NOP14: variants seen among roughly 807,000 people sequenced by gnomAD.
NOP14 encodes the protein NOP14 nucleolar protein, also known as nucleolar protein 14.
Under a neutral mutation model 101.6 loss-of-function variants are expected in NOP14, and 57 were observed. The ratio of observed to expected loss-of-function variants is 0.56; its 90% confidence interval spans 0.45 to 0.70. The LOEUF (loss-of-function observed/expected upper bound fraction) is 0.70. Among genes scored for constraint, NOP14 ranks in the 30% least tolerant of loss-of-function variants. The pLI, the probability that NOP14 is intolerant of heterozygous loss-of-function variation, is 0.00. For synonymous variants in NOP14, 428 were observed against 424.0 expected (o/e 1.01, Z -0.12); for missense variants, 1,134 against 1,075.5 (o/e 1.05, Z -0.76).
chr4:2,938,515 ATTT>A lies in NOP14; in HGVS notation c.*313_*315del. On this transcript the variant is annotated 3_prime_UTR_variant, in exon 18 of 18. Coordinates refer to ENST00000416614, the MANE Select transcript of NOP14 (RefSeq NM_001291978.2). The stretch of plus-strand genomic sequence containing the variant: ...GCAAAACTCCGTCTCAAAAAAAAAA[ATTT>A]TTTTTTAAGCGACACAGTCTTGCAC... 1 of 355,614 alleles carries A rather than the reference ATTT, an allele frequency of 2.8e-6. No individual in the cohort carries two copies. The highest frequency in any genetic ancestry group is 5.3e-6 in the Non-Finnish European group (1 of 187,858). The allele number at this position is 355,614 out of a possible 1,614,324, so 22.0% of individuals were successfully genotyped here.
chr4:2,957,535 C>T, intron 2 of NOP14, 71 bp downstream of exon 2: 2 of 1,565,478 alleles, frequency 1.3e-6, no homozygotes, highest in Non-Finnish European at 1.7e-6. Context: ...CATGCAGAGT[C>T]AGCCTTCTCC....
chr4:2,956,936 T>A, intron 2 of NOP14, 125 bp from the exon 3 acceptor site: 2 of 834,154 alleles, frequency 2.4e-6, no homozygotes, highest in Non-Finnish European at 3.6e-6. Context: ...TAAGCAGCCT[T>A]AAAGAGTATT....
Position 2,956,828 on chromosome 4 carries a change from A to C in NOP14, c.331-17T>G, listed in dbSNP as rs895568937. ...ATGATGTCGCTGACAGAAGAGAAAAAAAGTTTCCTAAAATTACCACTTCCA... is the reference window on the plus strand; with the variant it reads ...ATGATGTCGCTGACAGAAGAGAAAACAAGTTTCCTAAAATTACCACTTCCA... On this transcript the variant is annotated splice_polypyrimidine_tract_variant and intron_variant, in intron 2 of 17. Coordinates refer to ENST00000416614, the MANE Select transcript of NOP14 (RefSeq NM_001291978.2). 64 of 1,570,888 alleles carry C rather than the reference A, an allele frequency of 4.1e-5. No homozygotes were observed. The highest frequency in any genetic ancestry group is 5.5e-5 in the Non-Finnish European group (64 of 1,166,880).
intron 8 of NOP14, among the ~76,000 whole-genome samples, chr4:2,948,918 C>T (rs1240858779): frequency 6.6e-6 from 1 of 152,266 alleles, no homozygotes; most frequent in Non-Finnish European, 1.5e-5. Flanking sequence ...TGCGATCACG[C>T]ACCTGGGAAC....
chr4:2,941,458 G>C, intron 15 of NOP14, 124 bp downstream of exon 15: 1 of 855,288 alleles, frequency 1.2e-6, no homozygotes, highest in Non-Finnish European at 1.8e-6. Context: ...TCATATTTGT[G>C]ATTTTGCAAA....
At chr4:2,952,238 G>A (rs778497443) in intron 6 of NOP14, 37 bp downstream of exon 6, 4 of 1,605,972 alleles carry the variant, frequency 2.5e-6, no homozygotes, top group Non-Finnish European at 3.4e-6. Flanking sequence ...TGGACGGACA[G>A]CAGCACAGCC....
At chr4:2,951,916 G>T (rs967222999) in intron 6 of NOP14, among the ~76,000 whole-genome samples, 7 of 152,138 alleles carry the variant, frequency 4.6e-5, no homozygotes, top group Admixed American at 1.3e-4. Context: ...AAGACCGCCT[G>T]GCCAACATGG....
intron 1 of NOP14, 104 bp downstream of exon 1, chr4:2,963,021 T>G (rs1046364586): frequency 2.5e-6 from 3 of 1,204,574 alleles, no homozygotes; most frequent in Non-Finnish European, 2.2e-6. Flanking sequence ...TCACGGCCTG[T>G]GCCGCTCAAC....
intron 9 of NOP14, 38 bp from the exon 10 acceptor site, chr4:2,947,649 C>T (rs375079496): frequency 7.8e-6 from 12 of 1,532,042 alleles, no homozygotes; most frequent in Middle Eastern, 1.7e-4. Flanking sequence ...GCTCAGTGCT[C>T]AGCACCAAGA....
chr4:2,956,925 C>T, intron 2 of NOP14, 114 bp from the exon 3 acceptor site: 1 of 919,246 alleles, frequency 1.1e-6, no homozygotes, highest in Admixed American at 3.0e-5. Context: ...ACAACGAATC[C>T]TAAGCAGCCT....
chr4:2,941,626 G>A lies in NOP14; in HGVS notation c.2155C>T (p.Leu719Phe). The change falls in exon 15 of 18, where the codon CTC becomes TTC. Residue 719 changes from leucine to phenylalanine, a missense_variant. Coordinates refer to ENST00000416614, the MANE Select transcript of NOP14 (RefSeq NM_001291978.2). Reference protein sequence around the residue: ...HAIMGPLQALLTDHLADCSHP... With the variant: ...HAIMGPLQALFTDHLADCSHP... ...CTGCAGTCCGCCAGGTGATCCGTGA[G>A]GAGGGCTTGGAGAGGCCCCATGATG... The A allele has an allele frequency of 1.2e-6, 2 of 1,613,348 alleles. No individual in the cohort carries two copies. Among genetic ancestry groups the A allele is most frequent in the Admixed American group, 3.3e-5 (2 of 59,986 alleles).
intron 1 of NOP14, among the ~76,000 whole-genome samples, chr4:2,962,631 C>G (rs1042233020): frequency 1.3e-5 from 2 of 151,772 alleles, no homozygotes; most frequent in African/African-American, 2.4e-5. Flanking sequence ...TTTTCACCAA[C>G]CTGCTAATGT....
intron 1 of NOP14, among the ~76,000 whole-genome samples, chr4:2,959,775 C>T (rs1715605287): frequency 6.6e-6 from 1 of 152,166 alleles, no homozygotes; most frequent in Non-Finnish European, 1.5e-5. Context: ...TAGTGAACCA[C>T]ACACAGTACT....
rs543074384 is a variant in NOP14 at position 2,939,270 on chromosome 4, G to A, written c.2392C>T (p.Arg798Cys). 4.3e-5 allele frequency: 70 copies of A among 1,613,996 alleles called. No individual in the cohort carries two copies. In the Middle Eastern group the frequency reaches 4.9e-4, roughly 11 times the overall value. ...ERKRLIHKHK[R>C]EFKGAVREIR... ...TCTCGAACGGCCCCTTTAAATTCAC[G>A]CTTGTGTTTGTGGATCAGCCTCTTC... The change falls in exon 17 of 18, where the codon CGT becomes TGT. Residue 798 changes from arginine to cysteine, a missense_variant. Coordinates refer to ENST00000416614, the MANE Select transcript of NOP14 (RefSeq NM_001291978.2).
In NOP14 at chr4:2,954,568, G is replaced by A; in HGVS notation, c.473-5C>T. ...AGTGGGCAGCAGTCAGCTCAGCTGG[G>A]GGCAAAAGGCAGAAAACCCCACAGT... On this transcript the variant is annotated splice_polypyrimidine_tract_variant and splice_region_variant and intron_variant, in intron 3 of 17. Transcript: ENST00000416614. 1 of 1,613,420 alleles carries A rather than the reference G, an allele frequency of 6.2e-7. No individual in the cohort carries two copies. Among genetic ancestry groups the A allele is most frequent in the East Asian group, 2.2e-5 (1 of 44,874 alleles).
intron 8 of NOP14, 41 bp from the exon 9 acceptor site, chr4:2,948,449 A>G: frequency 7.1e-7 from 1 of 1,413,804 alleles, no homozygotes; most frequent in Non-Finnish European, 9.5e-7. Flanking sequence ...TAACATTTAT[A>G]TATATGTATA....
At chr4:2,952,175 TCAAA>T (rs1054793048) in intron 6 of NOP14, 96 bp downstream of exon 6, 12 of 1,176,454 alleles carry the variant, frequency 1.0e-5, no homozygotes, top group African/African-American at 9.2e-5. Context: ...ATTCCACTGA[TCAAA>T]CAGAGTATTC....
chr4:2,955,208 G>A (rs1216128158), intron 3 of NOP14, among the ~76,000 whole-genome samples: 2 of 57,338 alleles, frequency 3.5e-5, no homozygotes, highest in Non-Finnish European at 6.4e-5. Flanking sequence ...CTGGACCACG[G>A]CGCCCCCTCT....
At chr4:2,948,536 C>T in intron 8 of NOP14, 128 bp from the exon 9 acceptor site, 2 of 638,064 alleles carry the variant, frequency 3.1e-6, no homozygotes, top group Non-Finnish European at 4.6e-6. Flanking sequence ...CTCACTGAAA[C>T]TTCCGCCTCC....
Sources: gnomAD v4.1 joint callset for allele counts (sites outside exome capture counted in the v4.1 genomes callset) on GRCh38, gnomAD v4.1.1 for gene constraint, MANE v1.5 for transcripts, NCBI Gene and HGNC (gene_info 2026-07-23, HGNC 2026-07-21) for gene names.